The following AK5 variants were observed in gnomAD, a reference collection of about 807,000 sequenced individuals.
AK5 encodes the protein adenylate kinase isoenzyme 5.
AK5 carries 27 observed loss-of-function variants against 69.5 expected under a neutral mutation model. The ratio of observed to expected loss-of-function variants is 0.39; its 90% confidence interval spans 0.29 to 0.54. The LOEUF is 0.54. Among genes scored for constraint, AK5 ranks in the 20% least tolerant of loss-of-function variants. AK5 has a pLI of 0.71. For synonymous variants in AK5, 260 were observed against 244.4 expected (o/e 1.06, Z -0.60); for missense variants, 531 against 700.4 (o/e 0.76, Z 2.73).
intron 8 of AK5, among the ~76,000 whole-genome samples, chr1:77,423,738 C>A (rs1651005953): frequency 6.6e-6 from 1 of 152,060 alleles, no homozygotes; most frequent in Non-Finnish European, 1.5e-5. Flanking sequence ...TGGGACCCCA[C>A]ACTTCTGTAA....
In AK5 at chr1:77,558,810, T is replaced by G. The variant is rs1463220112; in HGVS notation, c.*140T>G. The stretch of plus-strand genomic sequence containing the variant: ...CCTAAATCCTGACAGCACTGTTTGC[T>G]TCCCAGCTAGACCTGTGTGAGAGGT... On this transcript the variant is annotated 3_prime_UTR_variant, in exon 14 of 14. Coordinates refer to ENST00000354567, the MANE Select transcript of AK5 (RefSeq NM_174858.3). The G allele has an allele frequency of 1.5e-6, 1 of 649,728 alleles. No individual in the cohort carries two copies. Among genetic ancestry groups the G allele is most frequent in the Admixed American group, 2.6e-5 (1 of 38,000 alleles). 40.2% of individuals were successfully genotyped at this position (649,728 alleles called of 1,614,324 possible). A position where few individuals can be genotyped will look rare whatever the true frequency, so the allele number is the denominator to read the frequency against.
chr1:77,354,451 T>C (rs1271530773), intron 6 of AK5, among the ~76,000 whole-genome samples: 2 of 152,192 alleles, frequency 1.3e-5, no homozygotes, highest in African/African-American at 4.8e-5. Flanking sequence ...TGAATGTGTG[T>C]AAGTTGTAAT....
intron 8 of AK5, among the ~76,000 whole-genome samples, chr1:77,438,311 A>C (rs3112828): frequency 5.6e-5 from 8 of 143,578 alleles, no homozygotes; most frequent in African/African-American, 1.9e-4. Context: ...AAAAAAAAAA[A>C]AAAAAAAAAA....
chr1:77,320,344 C>T (rs758898243), intron 5 of AK5, among the ~76,000 whole-genome samples: 4 of 152,048 alleles, frequency 2.6e-5, no homozygotes, highest in Non-Finnish European at 5.9e-5. Context: ...TCTACCATAA[C>T]GGAAAGATTA....
intron 6 of AK5, among the ~76,000 whole-genome samples, chr1:77,359,531 T>C (rs1168876979): frequency 6.7e-6 from 1 of 148,316 alleles, no homozygotes; most frequent in African/African-American, 2.5e-5. Flanking sequence ...ATACTGTTGA[T>C]AATCTGAAAA....
intron 5 of AK5, among the ~76,000 whole-genome samples, chr1:77,311,736 T>A (rs1659975145): frequency 6.6e-6 from 1 of 152,172 alleles, no homozygotes; most frequent in Non-Finnish European, 1.5e-5. Flanking sequence ...AGAACCAGGT[T>A]CCTTCTAGGG....
chr1:77,311,091 T>A (rs1158849576), intron 5 of AK5, among the ~76,000 whole-genome samples: 1 of 152,144 alleles, frequency 6.6e-6, no homozygotes, highest in Non-Finnish European at 1.5e-5. Context: ...TTCTTTTCTG[T>A]TCTCTTTACG....
intron 10 of AK5, among the ~76,000 whole-genome samples, chr1:77,500,608 C>A (rs1232002368): frequency 6.6e-6 from 1 of 152,108 alleles, no homozygotes; most frequent in Non-Finnish European, 1.5e-5. Context: ...CATGGTGAAA[C>A]CCCGTCTCTA....
chr1:77,351,927 C>CTTT lies in AK5; in HGVS notation c.891+11373_891+11375dup, dbSNP rs10658959. Among the ~76,000 whole-genome samples the CTTT allele has an allele frequency of 1.8e-3, 255 of 138,142 alleles. 9 individuals carry two copies. Among genetic ancestry groups the CTTT allele is most frequent in the South Asian group, 5.4e-3 (24 of 4,448 alleles). 90.6% of individuals were successfully genotyped at this position (138,142 alleles called of 152,430 possible). A position where few individuals can be genotyped will look rare whatever the true frequency, so the allele number is the denominator to read the frequency against. Reference sequence around the variant, plus strand: ...ACGTAAAATACATCTGCAAGTAATTCTTTTTTTTTTTTTTTTCTTGAGATG... The same window carrying CTTT: ...ACGTAAAATACATCTGCAAGTAATTCTTTTTTTTTTTTTTTTTTTCTTGAGATG... On this transcript the variant is annotated intron_variant, in intron 6 of 13. Transcript: ENST00000354567.
At chr1:77,536,187 A>C in intron 13 of AK5, 149 bp downstream of exon 13, 5 of 871,922 alleles carry the variant, frequency 5.7e-6, no homozygotes, top group Non-Finnish European at 8.6e-6. Context: ...AAGGCCCAGC[A>C]CAGTGGCTTA....
chr1:77,536,267 C>T (rs1210745284), intron 13 of AK5, among the ~76,000 whole-genome samples: 2 of 152,076 alleles, frequency 1.3e-5, no homozygotes, highest in African/African-American at 2.4e-5. Flanking sequence ...TCAAGACCAG[C>T]CTAAGCAACA....
At chr1:77,311,172 G>A (rs1326798585) in intron 5 of AK5, among the ~76,000 whole-genome samples, 1 of 151,904 alleles carries the variant, frequency 6.6e-6, no homozygotes, top group Non-Finnish European at 1.5e-5. Context: ...CCACCTTCAG[G>A]ACCCTCACAC....
chr1:77,361,211 T>A (rs1646856720), intron 6 of AK5, among the ~76,000 whole-genome samples: 1 of 152,238 alleles, frequency 6.6e-6, no homozygotes, highest in African/African-American at 2.4e-5. Flanking sequence ...CCTCTGTTTC[T>A]AAATTCCTTT....
intron 10 of AK5, among the ~76,000 whole-genome samples, chr1:77,504,443 T>A (rs199858519): frequency 0.018 from 2,321 of 131,080 alleles, 41 homozygotes; most frequent in Admixed American, 0.069. Context: ...ATATATATAT[T>A]TTTTTTAATA....
At chr1:77,497,135 C>G (rs1396684524) in intron 10 of AK5, among the ~76,000 whole-genome samples, 1 of 152,216 alleles carries the variant, frequency 6.6e-6, no homozygotes, top group African/African-American at 2.4e-5. Context: ...GGCTTCACTC[C>G]TGAAGGCAGC....
intron 6 of AK5, among the ~76,000 whole-genome samples, chr1:77,353,851 T>C (rs1662349588): frequency 6.6e-6 from 1 of 152,084 alleles, no homozygotes; most frequent in East Asian, 1.9e-4. Context: ...ACGCCACTGC[T>C]CTGAGGGAGC....
chr1:77,315,302 T>C (rs1193628368), intron 5 of AK5, among the ~76,000 whole-genome samples: 1 of 152,228 alleles, frequency 6.6e-6, no homozygotes, highest in South Asian at 2.1e-4. Flanking sequence ...TTGGATATTA[T>C]TCGCCATACT....
At position 77,368,294 on chromosome 1, in the gene AK5, TTATATATAA is replaced by T. The variant is rs1225257869; in HGVS notation, c.891+27734_891+27742del. Among the ~76,000 whole-genome samples the T allele has an allele frequency of 2.4e-3, 281 of 117,424 alleles. 4 individuals are homozygous for T. The highest frequency in any genetic ancestry group is 9.1e-3 in the African/African-American group (266 of 29,372). 77.0% of individuals were successfully genotyped at this position (117,424 alleles called of 152,430 possible). A position where few individuals can be genotyped will look rare whatever the true frequency, so the allele number is the denominator to read the frequency against. On this transcript the variant is annotated intron_variant, in intron 6 of 13. Transcript: ENST00000354567. ...ATATGTTATATATGTTATATATATG[TTATATATAA>T]TATATATGTTATATATAATATATAT...
intron 6 of AK5, chr1:77,346,327 A>C (rs908813816): frequency 2.0e-5 from 3 of 152,230 alleles, no homozygotes; most frequent in African/African-American, 7.2e-5. Context: ...CTGCTGAATA[A>C]TTATTTGTTA....
Sources: allele counts gnomAD v4.1 joint callset (sites outside exome capture counted in the v4.1 genomes callset), GRCh38; gene constraint gnomAD v4.1.1; transcripts MANE v1.5; gene names NCBI Gene and HGNC (gene_info 2026-07-23, HGNC 2026-07-21).